The following NRXN3 variants were observed in gnomAD, a reference collection of about 807,000 sequenced individuals.
The protein encoded by NRXN3 is neurexin III.
NRXN3 carries 32 observed loss-of-function variants against 137.6 expected under a neutral mutation model. The ratio of observed to expected loss-of-function variants is 0.23; its 90% CI spans 0.18 to 0.31. The LOEUF (loss-of-function observed/expected upper bound fraction) is 0.31, where lower values mean the gene tolerates loss of function less well. Ranked by LOEUF, NRXN3 falls within the 10% of genes least tolerant of loss-of-function variation. NRXN3 has a pLI of 1.00. For synonymous variants in NRXN3, 798 were observed against 784.5 expected, an observed-to-expected ratio of 1.02 and a Z score of -0.29; for missense variants, 1,574 against 2,062.5, an observed-to-expected ratio of 0.76 and a Z score of 4.59.
Position 79,866,678 on chromosome 14 carries a change from A to G in NRXN3, c.*4714A>G, listed in dbSNP as rs561175855. Reference sequence around the variant, plus strand: ...GTCAAGGGCTGCTTTGTCGAGTACAAAGGACTCGAGCATATTTGAAATGAA... The same window carrying G: ...GTCAAGGGCTGCTTTGTCGAGTACAGAGGACTCGAGCATATTTGAAATGAA... On this transcript the variant is annotated 3_prime_UTR_variant, in exon 21 of 21. Coordinates refer to ENST00000335750, the MANE Select transcript of NRXN3 (RefSeq NM_001330195.2). The G allele has an allele frequency of 1.3e-5, 2 of 152,318 alleles. No individual in the cohort carries two copies. Among genetic ancestry groups the G allele is most frequent in the African/African-American group, 4.8e-5 (2 of 41,574 alleles). 9.4% of individuals were successfully genotyped at this position (152,318 alleles called of 1,614,324 possible).
chr14:79,823,156 C>CA (rs5809963), intron 20 of NRXN3, among the ~76,000 whole-genome samples: 138,427 of 152,064 alleles, frequency 0.91, 63,049 homozygotes, highest in East Asian at 1. Context: ...TGTGTATCTA[C>CA]GTCCTCATCC....
At chr14:79,388,169 C>T (rs1302676173) in intron 15 of NRXN3, among the ~76,000 whole-genome samples, 1 of 151,966 alleles carries the variant, frequency 6.6e-6, no homozygotes, top group African/African-American at 2.4e-5. Context: ...TCTTGCTCCT[C>T]CTCTTGTCAT....
chr14:79,061,470 C>G (rs2099674151), intron 15 of NRXN3, among the ~76,000 whole-genome samples: 1 of 152,040 alleles, frequency 6.6e-6, no homozygotes, highest in Non-Finnish European at 1.5e-5. Context: ...TGCAAAGCAC[C>G]CATGGCAAGG....
chr14:78,502,231 A>G (rs907020169), intron 4 of NRXN3, among the ~76,000 whole-genome samples: 2 of 152,152 alleles, frequency 1.3e-5, no homozygotes, highest in African/African-American at 4.8e-5. Context: ...TCCTTCTCCC[A>G]GCACAGGAAC....
At chr14:79,017,359 C>G (rs1202288844) in intron 15 of NRXN3, among the ~76,000 whole-genome samples, 2 of 151,640 alleles carry the variant, frequency 1.3e-5, no homozygotes, top group Non-Finnish European at 1.5e-5. Context: ...AAAGACTCAT[C>G]CTAGATAAGA....
chr14:79,119,715 A>T (rs1596166288), intron 15 of NRXN3, among the ~76,000 whole-genome samples: 1 of 152,186 alleles, frequency 6.6e-6, no homozygotes, highest in East Asian at 1.9e-4. Context: ...CCAGATCTAG[A>T]CCAAGCCTGT....
At chr14:78,335,489 C>A (rs2081355040) in intron 4 of NRXN3, among the ~76,000 whole-genome samples, 1 of 152,206 alleles carries the variant, frequency 6.6e-6, no homozygotes, top group Non-Finnish European at 1.5e-5. Context: ...GTGCCTTGCA[C>A]CTGGCAGGTG....
At chr14:79,258,204 A>C (rs75363661) in intron 15 of NRXN3, among the ~76,000 whole-genome samples, 4,394 of 152,050 alleles carry the variant, frequency 0.029, 230 homozygotes, top group African/African-American at 0.099. Context: ...TCTCTTCTTT[A>C]TTTAATTTTT....
At chr14:78,285,419 G>C (rs936027617) in intron 3 of NRXN3, among the ~76,000 whole-genome samples, 3 of 152,118 alleles carry the variant, frequency 2.0e-5, no homozygotes, top group Non-Finnish European at 4.4e-5. Context: ...ATCCCTAGGA[G>C]GTAAATTGCT....
intron 8 of NRXN3, among the ~76,000 whole-genome samples, chr14:78,718,870 G>T (rs2098446537): frequency 6.6e-6 from 1 of 152,186 alleles, no homozygotes; most frequent in Non-Finnish European, 1.5e-5. Context: ...ATTCTAATCA[G>T]ATAGGTTGAA....
chr14:78,522,428 G>A (rs947565126), intron 4 of NRXN3, among the ~76,000 whole-genome samples: 6 of 152,112 alleles, frequency 3.9e-5, no homozygotes, highest in Non-Finnish European at 5.9e-5. Context: ...ATTCAAGATA[G>A]GAGAGTAGAC....
At chr14:79,246,026 A>G (rs1436581537) in intron 15 of NRXN3, among the ~76,000 whole-genome samples, 1 of 152,184 alleles carries the variant, frequency 6.6e-6, no homozygotes, top group East Asian at 1.9e-4. Flanking sequence ...TTTCACAAAA[A>G]CCAGAAGAGG....
intron 10 of NRXN3, among the ~76,000 whole-genome samples, chr14:78,826,458 G>GA (rs1460708501): frequency 3.9e-5 from 6 of 152,120 alleles, no homozygotes; most frequent in South Asian, 2.1e-4. Flanking sequence ...CATTGAACTT[G>GA]AAAAAACATG....
chr14:78,222,528 G>T (rs537235626), intron 1 of NRXN3, among the ~76,000 whole-genome samples: 21 of 152,216 alleles, frequency 1.4e-4, no homozygotes, highest in Non-Finnish European at 5.9e-5. Context: ...ATAGTTTTAG[G>T]GGGAGGTGGT....
intron 4 of NRXN3, among the ~76,000 whole-genome samples, chr14:78,434,589 T>C (rs900512043): frequency 3.3e-5 from 5 of 152,176 alleles, no homozygotes; most frequent in Non-Finnish European, 7.3e-5. Context: ...TCACATCTTA[T>C]TTGCTCATAC....
intron 15 of NRXN3, among the ~76,000 whole-genome samples, chr14:79,208,864 A>G (rs2067200708): frequency 6.6e-6 from 1 of 152,208 alleles, no homozygotes; most frequent in South Asian, 2.1e-4. Context: ...AGCACATTTT[A>G]CCAGTTTTCC....
rs758723723 is a variant in NRXN3, at chr14:78,373,796, G to T, written c.757+75936G>T. On this transcript the variant is annotated intron_variant, in intron 4 of 20. Transcript: ENST00000335750. Reference sequence around the variant, plus strand: ...GAGCTATTGAGATGAAATTGATAAGGAAAGTGAGAACTCATCACCCACATA... The same window carrying T: ...GAGCTATTGAGATGAAATTGATAAGTAAAGTGAGAACTCATCACCCACATA... 2.9e-4 allele frequency among the ~76,000 whole-genome samples: 44 copies of T among 152,240 alleles called. No individual in the cohort carries two copies. The Middle Eastern group carries it at 0.01, about 35-fold the overall frequency.
At chr14:79,036,862 G>A (rs2099616972) in intron 15 of NRXN3, among the ~76,000 whole-genome samples, 1 of 151,850 alleles carries the variant, frequency 6.6e-6, no homozygotes, top group South Asian at 2.1e-4. Flanking sequence ...GGACCAGGTG[G>A]AGTTCCTTGG....
chr14:79,234,405 A>C (rs982440584), intron 15 of NRXN3, among the ~76,000 whole-genome samples: 7 of 143,810 alleles, frequency 4.9e-5, no homozygotes, highest in African/African-American at 1.8e-4. Flanking sequence ...TATTTTTGAG[A>C]CAGAGTCTGG....
Sources: gnomAD v4.1 joint callset for allele counts (sites outside exome capture counted in the v4.1 genomes callset) on GRCh38, gnomAD v4.1.1 for gene constraint, MANE v1.5 for transcripts, NCBI Gene and HGNC (gene_info 2026-07-23, HGNC 2026-07-21) for gene names.